The following OSBPL10 variants were observed in gnomAD, a reference collection of about 807,000 sequenced individuals.
OSBPL10 encodes the protein oxysterol binding protein like 10.
OSBPL10 carries 49 observed loss-of-function variants against 81.7 expected under a neutral mutation model. The observed-to-expected ratio is 0.60, with a 90% CI of 0.48 to 0.76. The LOEUF (loss-of-function observed/expected upper bound fraction) is 0.76. OSBPL10 is among the 30% of genes least tolerant of loss of function. The pLI is 0.00. For synonymous variants in OSBPL10, 419 were observed against 383.6 expected, an observed-to-expected ratio of 1.09 and a Z score of -1.08; for missense variants, 923 against 987.8, an observed-to-expected ratio of 0.93 and a Z score of 0.88.
At chr3:31,996,872 A>C (rs891332480) in intron 2 of OSBPL10, among the ~76,000 whole-genome samples, 1 of 152,198 alleles carries the variant, frequency 6.6e-6, no homozygotes, top group Non-Finnish European at 1.5e-5. Context: ...TGAGCACTCC[A>C]TTCAATATGG....
At chr3:31,728,198 T>C (rs1196659260) in intron 6 of OSBPL10, among the ~76,000 whole-genome samples, 3 of 152,196 alleles carry the variant, frequency 2.0e-5, no homozygotes, top group Non-Finnish European at 4.4e-5. Context: ...CCTGCTAGAT[T>C]TGTGGTGGTA....
intron 3 of OSBPL10, among the ~76,000 whole-genome samples, chr3:31,840,254 G>A (rs1193566229): frequency 6.6e-6 from 1 of 152,028 alleles, no homozygotes; most frequent in Non-Finnish European, 1.5e-5. Flanking sequence ...GCCATGGGAT[G>A]GGAAGTCCAA....
chr3:31,897,696 T>C (rs1696096319), intron 1 of OSBPL10, among the ~76,000 whole-genome samples: 1 of 152,124 alleles, frequency 6.6e-6, no homozygotes, highest in South Asian at 2.1e-4. Context: ...GAGTTTTTAA[T>C]ATCAGCACTG....
intron 1 of OSBPL10, among the ~76,000 whole-genome samples, chr3:31,968,511 GAAA>G (rs10712976): frequency 7.7e-6 from 1 of 130,532 alleles, no homozygotes; most frequent in Non-Finnish European, 1.7e-5. Flanking sequence ...TTTTGAAGGG[GAAA>G]AAAAAAAAAA....
At chr3:31,854,515 T>C (rs1324846734) in intron 3 of OSBPL10, among the ~76,000 whole-genome samples, 1 of 152,230 alleles carries the variant, frequency 6.6e-6, no homozygotes, top group Non-Finnish European at 1.5e-5. Flanking sequence ...AAAGAATATA[T>C]ACTTTTTAAA....
chr3:31,762,541 C>A (rs572171848), intron 4 of OSBPL10, among the ~76,000 whole-genome samples: 1 of 151,716 alleles, frequency 6.6e-6, no homozygotes, highest in East Asian at 1.9e-4. Flanking sequence ...GGCATGATCA[C>A]GGCTCACTGC....
chr3:32,002,040 C>A (rs982374554), intron 2 of OSBPL10, among the ~76,000 whole-genome samples: 1 of 152,184 alleles, frequency 6.6e-6, no homozygotes, highest in African/African-American at 2.4e-5. Flanking sequence ...AGGGTTCAAA[C>A]CCAGCTCTGA....
At chr3:31,782,145 G>C (rs1393625391) in intron 4 of OSBPL10, among the ~76,000 whole-genome samples, 1 of 152,058 alleles carries the variant, frequency 6.6e-6, no homozygotes, top group Non-Finnish European at 1.5e-5. Context: ...CAGAAATAAA[G>C]TCAAATACAG....
chr3:32,004,173 C>T (rs765070814), intron 2 of OSBPL10, among the ~76,000 whole-genome samples: 1 of 151,736 alleles, frequency 6.6e-6, no homozygotes, highest in Non-Finnish European at 1.5e-5. Flanking sequence ...ATGTTGGCAC[C>T]CTTTGTTAGA....
chr3:32,051,830 A>T (rs1465829405), intron 1 of OSBPL10, among the ~76,000 whole-genome samples: 3 of 152,202 alleles, frequency 2.0e-5, no homozygotes, highest in African/African-American at 7.2e-5. Flanking sequence ...TATGAAAGAG[A>T]TCTAATTAAC....
At chr3:31,665,052 GCTGA>G (rs1352673999) in intron 10 of OSBPL10, among the ~76,000 whole-genome samples, 1 of 152,064 alleles carries the variant, frequency 6.6e-6, no homozygotes, top group Non-Finnish European at 1.5e-5. Context: ...GTCAATCAAG[GCTGA>G]CTACTTGGAA....
chr3:32,017,076 T>C (rs1230218428), intron 2 of OSBPL10, among the ~76,000 whole-genome samples: 1 of 152,188 alleles, frequency 6.6e-6, no homozygotes, highest in African/African-American at 2.4e-5. Flanking sequence ...CTTTAAGAGA[T>C]CTGAACTTCC....
chr3:31,981,278 G>A (rs1217512549), upstream of OSBPL10: 2 of 1,294,454 alleles, frequency 1.5e-6, no homozygotes, highest in Non-Finnish European at 1.9e-6. This position sits in a 1 kb window ranked among gnomAD's most constrained non-coding sequence, Gnocchi z 4.5. Flanking sequence ...GGCCGCGCGT[G>A]CCTGCTCCAA....
intron 3 of OSBPL10, among the ~76,000 whole-genome samples, chr3:31,875,472 G>C (rs1159598344): frequency 6.6e-6 from 1 of 150,626 alleles, no homozygotes; most frequent in East Asian, 1.9e-4. Flanking sequence ...AGTTCCTGAA[G>C]ATTCGGCTTA....
chr3:31,878,549 C>T (rs1203086032), intron 2 of OSBPL10, among the ~76,000 whole-genome samples: 1 of 152,026 alleles, frequency 6.6e-6, no homozygotes, highest in Admixed American at 6.6e-5. Context: ...TAAACATTAG[C>T]TTATTCCATC....
chr3:31,990,987 C>T, intron 2 of OSBPL10: 1 of 1,555,132 alleles, frequency 6.4e-7, no homozygotes, highest in Non-Finnish European at 8.7e-7. Flanking sequence ...AGAGGTCACT[C>T]CTTGCAAAAC....
In OSBPL10 at chr3:31,947,109, C is replaced by T. The variant is rs542223636; in HGVS notation, c.281+33790G>A. 3.3e-5 allele frequency among the ~76,000 whole-genome samples: 5 copies of T among 152,260 alleles called. No individual in the cohort carries two copies. In the South Asian group the frequency reaches 6.2e-4, roughly 19 times the overall value. ...CTAGAGAACGAGACACAGCAGTAAT[C>T]AGAATGATTCACTAAATTTCAGGCT... On this transcript the variant is annotated intron_variant, in intron 1 of 11. Transcript: ENST00000396556.
chr3:31,663,733 C>CT, intron 11 of OSBPL10: 1 of 1,159,230 alleles, frequency 8.6e-7, no homozygotes, highest in Non-Finnish European at 1.1e-6. Context: ...TAAAGATGAT[C>CT]TAACAGGTGC....
chr3:31,775,069 G>GCTCT (rs1698514083), intron 4 of OSBPL10, among the ~76,000 whole-genome samples: 1 of 151,944 alleles, frequency 6.6e-6, no homozygotes, highest in Non-Finnish European at 1.5e-5. Flanking sequence ...CAGTGGGGGT[G>GCTCT]GCTGAGGCAG....
Sources: gnomAD v4.1 joint callset for allele counts (sites outside exome capture counted in the v4.1 genomes callset) on GRCh38, gnomAD v4.1.1 for gene constraint, Gnocchi (gnomAD v3.1) non-coding constraint, MANE v1.5 for transcripts, NCBI Gene and HGNC (gene_info 2026-07-23, HGNC 2026-07-21) for gene names.